The following BABAM2 variants were observed in gnomAD, a reference collection of about 807,000 sequenced individuals.
BABAM2 encodes BRISC and BRCA1 A complex member 2.
Under a neutral mutation model 54.7 loss-of-function variants are expected in BABAM2, and 31 were observed. The observed-to-expected ratio is 0.57, with a 90% CI of 0.43 to 0.77. The LOEUF (loss-of-function observed/expected upper bound fraction) is 0.77, where lower values mean the gene tolerates loss of function less well. Ranked by LOEUF, BABAM2 falls within the 30% of genes least tolerant of loss-of-function variation. The pLI, the probability that BABAM2 is intolerant of heterozygous loss-of-function variation, is 0.00. For missense variants in BABAM2, 364 were observed against 455.8 expected, an observed-to-expected ratio of 0.80 and a Z score of 1.83; for synonymous variants, 167 against 162.9, an observed-to-expected ratio of 1.03 and a Z score of -0.19.
chr2:28,020,952 G>GACACACAC (rs57086132), intron 4 of BABAM2, among the ~76,000 whole-genome samples: 8,974 of 144,414 alleles, frequency 0.062, 310 homozygotes, highest in Non-Finnish European at 0.067. Flanking sequence ...CTGTCTCTCT[G>GACACACAC]ACACACACAC....
At chr2:27,968,304 A>C (rs989790232) in intron 3 of BABAM2, among the ~76,000 whole-genome samples, 3 of 152,248 alleles carry the variant, frequency 2.0e-5, no homozygotes, top group Non-Finnish European at 2.9e-5. Flanking sequence ...CCATGGCTTC[A>C]GAGGGTGCAA....
intron 7 of BABAM2, among the ~76,000 whole-genome samples, chr2:28,207,488 G>GGAA (rs142168694): frequency 0.019 from 2,955 of 152,020 alleles, 89 homozygotes; most frequent in African/African-American, 0.068. Flanking sequence ...CTGAGCCCAG[G>GGAA]GATTCTTGAT....
At chr2:28,149,032 T>C (rs1671774526) in intron 7 of BABAM2, among the ~76,000 whole-genome samples, 1 of 152,194 alleles carries the variant, frequency 6.6e-6, no homozygotes, top group South Asian at 2.1e-4. Context: ...TTAATAGCAA[T>C]GCATTTTCCT....
chr2:27,924,886 G>A (rs1341945620), intron 2 of BABAM2, among the ~76,000 whole-genome samples: 2 of 152,144 alleles, frequency 1.3e-5, no homozygotes, highest in East Asian at 1.9e-4. Flanking sequence ...GATAATATAA[G>A]GAAGATAGAA....
chr2:28,220,232 G>A (rs1284664231), intron 7 of BABAM2, among the ~76,000 whole-genome samples: 4 of 152,096 alleles, frequency 2.6e-5, no homozygotes, highest in African/African-American at 4.8e-5. Context: ...TCCTGTGTCC[G>A]TCATTTACTG....
At chr2:28,038,808 A>G (rs1411839265) in intron 5 of BABAM2, among the ~76,000 whole-genome samples, 1 of 152,130 alleles carries the variant, frequency 6.6e-6, no homozygotes, top group Non-Finnish European at 1.5e-5. Context: ...GGTAGTTTCC[A>G]TGTCTTTGTT....
intron 10 of BABAM2, among the ~76,000 whole-genome samples, chr2:28,291,322 G>T (rs1213815008): frequency 6.6e-6 from 1 of 152,194 alleles, no homozygotes; most frequent in African/African-American, 2.4e-5. Flanking sequence ...GCCGGGCATA[G>T]TGGTTCACAT....
At chr2:28,176,813 T>C (rs1675040650) in intron 7 of BABAM2, among the ~76,000 whole-genome samples, 2 of 133,446 alleles carry the variant, frequency 1.5e-5, no homozygotes, top group South Asian at 2.3e-4. Context: ...AACTTGAAGA[T>C]AGCTCTTTTG....
intron 11 of BABAM2, among the ~76,000 whole-genome samples, chr2:28,319,714 G>GC (rs1458986460): frequency 6.6e-6 from 1 of 152,252 alleles, no homozygotes; most frequent in Non-Finnish European, 1.5e-5. Flanking sequence ...GGCCGCAGAC[G>GC]CTGTAGGCCC....
intron 7 of BABAM2, among the ~76,000 whole-genome samples, chr2:28,138,025 A>G (rs947863018): frequency 6.6e-6 from 1 of 152,204 alleles, no homozygotes; most frequent in Non-Finnish European, 1.5e-5. Context: ...TGAGAAATTC[A>G]TGATTTCCAG....
At chr2:28,143,783 G>T (rs1671263661) in intron 7 of BABAM2, among the ~76,000 whole-genome samples, 1 of 152,136 alleles carries the variant, frequency 6.6e-6, no homozygotes, top group East Asian at 1.9e-4. Flanking sequence ...AGCTCATTCA[G>T]TTCTCACAAC....
chr2:27,928,661 C>T (rs1667882348), intron 2 of BABAM2, among the ~76,000 whole-genome samples: 1 of 152,048 alleles, frequency 6.6e-6, no homozygotes, highest in Non-Finnish European at 1.5e-5. Flanking sequence ...TTTAGAATTG[C>T]TTCACAGCCA....
chr2:28,037,093 A>T (rs147565070), intron 5 of BABAM2, among the ~76,000 whole-genome samples: 42 of 152,196 alleles, frequency 2.8e-4, no homozygotes, highest in Admixed American at 2.5e-3. Context: ...TTTCGAATGG[A>T]TAAGGTATTC....
intron 4 of BABAM2, among the ~76,000 whole-genome samples, chr2:28,019,019 G>A (rs529330179): frequency 4.0e-5 from 6 of 151,772 alleles, no homozygotes; most frequent in Non-Finnish European, 8.8e-5. Flanking sequence ...ACCCTTGACA[G>A]GCCCCAGTGT....
At chr2:28,256,693 C>CTTTTTTT (rs34881415) in intron 10 of BABAM2, among the ~76,000 whole-genome samples, 6 of 122,806 alleles carry the variant, frequency 4.9e-5, no homozygotes, top group Non-Finnish European at 8.2e-5. Context: ...TGGCTCACTT[C>CTTTTTTT]TTTTTTTTTT....
intron 7 of BABAM2, among the ~76,000 whole-genome samples, chr2:28,140,083 G>T (rs1670910117): frequency 6.6e-6 from 1 of 151,950 alleles, no homozygotes. Context: ...TGCTTTTCCT[G>T]CATCTCTCAG....
At chr2:27,935,359 T>A (rs1350406157) in intron 3 of BABAM2, among the ~76,000 whole-genome samples, 3 of 152,232 alleles carry the variant, frequency 2.0e-5, no homozygotes, top group African/African-American at 7.2e-5. Context: ...GTGCACTTTG[T>A]CACTTGAGAT....
intron 6 of BABAM2, among the ~76,000 whole-genome samples, chr2:28,076,861 A>G (rs777996922): frequency 1.3e-5 from 2 of 152,180 alleles, no homozygotes; most frequent in Non-Finnish European, 2.9e-5. Flanking sequence ...TACTTTGTAT[A>G]AAGATATTTC....
chr2:28,139,256 G>A (rs1349046733), intron 7 of BABAM2, among the ~76,000 whole-genome samples: 2 of 147,658 alleles, frequency 1.4e-5, no homozygotes, highest in African/African-American at 2.5e-5. Flanking sequence ...GAGAGGTGGA[G>A]GTTGCAGTAA....
Sources: gnomAD v4.1 joint callset for allele counts (sites outside exome capture counted in the v4.1 genomes callset) on GRCh38, gnomAD v4.1.1 for gene constraint, MANE v1.5 for transcripts, NCBI Gene and HGNC (gene_info 2026-07-23, HGNC 2026-07-21) for gene names.